PCDHGA2: variants seen among roughly 807,000 people sequenced by gnomAD.
PCDHGA2 encodes the protein protocadherin gamma subfamily A, 2.
PCDHGA2 carries 40 observed loss-of-function variants against 59.2 expected under a neutral mutation model. The ratio of observed to expected loss-of-function variants is 0.68; its 90% CI spans 0.52 to 0.88. The LOEUF is 0.88. Ranked by LOEUF, PCDHGA2 falls within the 40% of genes least tolerant of loss-of-function variation. The probability of loss-of-function intolerance (pLI) is 0.00; values close to 1 mark genes in which losing one functional copy is unlikely to be tolerated. For synonymous variants in PCDHGA2, 560 were observed against 526.0 expected (o/e 1.06, Z -0.89); for missense variants, 1,226 against 1,204.0 (o/e 1.02, Z -0.27).
At position 141,421,448 on chromosome 5, in the gene PCDHGA2, A is replaced by G. The variant is rs772957069; in HGVS notation, c.2425-73359A>G. On this transcript the variant is annotated intron_variant, in intron 1 of 3. Coordinates refer to ENST00000394576, the MANE Select transcript of PCDHGA2 (RefSeq NM_018915.4). ...CGCATCGTCTCCAGAGGGAAGACAC[A>G]GCTTTTCGCTGTGAATCCGCGAAGC... The G allele has an allele frequency of 7.8e-5, 126 of 1,614,014 alleles. No individual in the cohort carries two copies. The highest frequency in any genetic ancestry group is 1.0e-4 in the Non-Finnish European group (119 of 1,179,944).
chr5:141,376,676 G>GC (rs1773026765), intron 1 of PCDHGA2: 1 of 275,812 alleles, frequency 3.6e-6, no homozygotes, highest in Non-Finnish European at 6.2e-6. Context: ...TGAGGGTATC[G>GC]TTTTTTTTTT....
chr5:141,497,832 G>C (rs1326640712), intron 2 of PCDHGA2, among the ~76,000 whole-genome samples: 1 of 151,992 alleles, frequency 6.6e-6, no homozygotes, highest in East Asian at 1.9e-4. Context: ...GATCGCCCCC[G>C]GCCACAACAA....
In PCDHGA2 at chr5:141,417,067, A is replaced by G. The variant is rs1008801110; in HGVS notation, c.2424+75672A>G. The stretch of plus-strand genomic sequence containing the variant: ...AAAAACTGCTCTTGACATTGTAGCT[A>G]TTGTGAGAAAATATTTTGATTATAA... On this transcript the variant is annotated intron_variant, in intron 1 of 3. Coordinates refer to ENST00000394576, the MANE Select transcript of PCDHGA2 (RefSeq NM_018915.4). 2.0e-5 allele frequency: 3 copies of G among 152,102 alleles called. No homozygotes were observed. The South Asian group carries it at 6.2e-4, about 31-fold the overall frequency. 9.4% of individuals were successfully genotyped at this position (152,102 alleles called of 1,614,324 possible).
chr5:141,394,633 G>A (rs1026935408), intron 1 of PCDHGA2: 57 of 1,613,274 alleles, frequency 3.5e-5, no homozygotes, highest in Middle Eastern at 1.7e-4. Flanking sequence ...CTGTCCTACC[G>A]CCTGCTCAAG....
At chr5:141,351,592 T>C (rs78745319) in intron 1 of PCDHGA2, 37,092 of 1,613,926 alleles carry the variant, frequency 0.023, 971 homozygotes, top group African/African-American at 0.14. Flanking sequence ...TCAACGACAA[T>C]GCACCTGTTT....
chr5:141,374,643 A>G (rs1283839211), intron 1 of PCDHGA2: 1 of 1,612,916 alleles, frequency 6.2e-7, no homozygotes, highest in Admixed American at 1.7e-5. Flanking sequence ...AGCGAAGCCC[A>G]TGGGCCCAAG....
intron 1 of PCDHGA2, chr5:141,345,511 A>G (rs1370786139): frequency 1.2e-6 from 2 of 1,614,146 alleles, no homozygotes; most frequent in Non-Finnish European, 1.7e-6. Context: ...GCATTGACCG[A>G]GGACACTCTC....
At chr5:141,372,466 A>G in intron 1 of PCDHGA2, 1 of 1,613,906 alleles carries the variant, frequency 6.2e-7, no homozygotes, top group South Asian at 1.1e-5. Context: ...CTACAGTTTC[A>G]CCTAGTAGTG....
At chr5:141,415,153 G>A in intron 1 of PCDHGA2, 4 of 1,613,780 alleles carry the variant, frequency 2.5e-6, no homozygotes, top group South Asian at 2.2e-5. Flanking sequence ...CCCTCTCTCC[G>A]CCACTGTCAC....
intron 1 of PCDHGA2, among the ~76,000 whole-genome samples, chr5:141,359,239 A>G (rs1050299402): frequency 6.6e-6 from 1 of 152,166 alleles, no homozygotes; most frequent in Non-Finnish European, 1.5e-5. Context: ...GATTGTTTAA[A>G]GTAATTAAGC....
intron 1 of PCDHGA2, chr5:141,367,007 C>A: frequency 2.3e-6 from 1 of 430,082 alleles, no homozygotes; most frequent in Non-Finnish European, 4.0e-6. Context: ...TCATTTTACC[C>A]AAATATTTTG....
chr5:141,393,555 C>G, intron 1 of PCDHGA2: 6 of 1,613,928 alleles, frequency 3.7e-6, no homozygotes, highest in Non-Finnish European at 5.1e-6. Flanking sequence ...CCCGATTTAC[C>G]GAGTGAAAGT....
At chr5:141,500,455 C>T (rs1254764658) in intron 2 of PCDHGA2, among the ~76,000 whole-genome samples, 4 of 151,986 alleles carry the variant, frequency 2.6e-5, no homozygotes, top group Non-Finnish European at 5.9e-5. Context: ...GTGATCCGCC[C>T]GCCTCGGCCT....
At chr5:141,374,838 C>G (rs772961429) in intron 1 of PCDHGA2, 7 of 1,613,846 alleles carry the variant, frequency 4.3e-6, no homozygotes, top group Non-Finnish European at 5.9e-6. Context: ...GTAAGTGTTC[C>G]TGAAAACCTG....
intron 1 of PCDHGA2, chr5:141,345,605 A>C (rs1757608727): frequency 6.2e-7 from 1 of 1,614,036 alleles, no homozygotes; most frequent in African/African-American, 1.3e-5. Context: ...ACTACGAGCA[A>C]TTTAGAGACT....
At chr5:141,380,730 T>C (rs1776691792) in intron 1 of PCDHGA2, among the ~76,000 whole-genome samples, 2 of 152,250 alleles carry the variant, frequency 1.3e-5, no homozygotes, top group Non-Finnish European at 2.9e-5. Context: ...CTTATTTCCT[T>C]TTCTCCAAAG....
intron 1 of PCDHGA2, among the ~76,000 whole-genome samples, chr5:141,482,458 C>G (rs986628162): frequency 1.4e-5 from 2 of 147,624 alleles, no homozygotes; most frequent in African/African-American, 2.6e-5. Flanking sequence ...ATTAGCATCC[C>G]TATGTGCCAG....
chr5:141,356,977 G>A (rs1466660563), intron 1 of PCDHGA2: 1 of 1,614,238 alleles, frequency 6.2e-7, no homozygotes, highest in South Asian at 1.1e-5. Flanking sequence ...CAAAGTGGTG[G>A]CAGTGGACAG....
In PCDHGA2 at chr5:141,491,832, C is replaced by A; in HGVS notation, c.2425-2975C>A. On this transcript the variant is annotated intron_variant, in intron 1 of 3. Coordinates refer to ENST00000394576, the MANE Select transcript of PCDHGA2 (RefSeq NM_018915.4). The surrounding 1 kb of genome is among the most constrained non-coding windows in gnomAD (Gnocchi z 6.9). ...GTCGCTGGCTGCGCTCCACCCGATT[C>A]TCGGGATCATTGGACCGTTTGCGCG... 6.8e-7 allele frequency: 1 copy of A among 1,474,424 alleles called. No individual in the cohort carries two copies. 91.3% of individuals were successfully genotyped at this position (1,474,424 alleles called of 1,614,324 possible).
Sources: gnomAD v4.1 joint callset for allele counts (sites outside exome capture counted in the v4.1 genomes callset) on GRCh38, gnomAD v4.1.1 for gene constraint, Gnocchi (gnomAD v3.1) non-coding constraint, MANE v1.5 for transcripts, NCBI Gene and HGNC (gene_info 2026-07-23, HGNC 2026-07-21) for gene names.